The following NRG3 variants were observed in gnomAD, a reference collection of about 807,000 sequenced individuals.
NRG3 encodes the protein neuregulin 3.
NRG3 carries 31 observed loss-of-function variants against 66.9 expected under a neutral mutation model. That is an observed-to-expected ratio of 0.46 (90% CI 0.35 to 0.63). The LOEUF is 0.63. Ranked by LOEUF, NRG3 falls within the 20% of genes least tolerant of loss-of-function variation. NRG3 has a pLI of 0.00. For missense variants in NRG3, 910 were observed against 878.9 expected (o/e 1.04, Z -0.45); for synonymous variants, 393 against 359.4 (o/e 1.09, Z -1.06).
chr10:82,914,712 G>C (rs2132004256), intron 4 of NRG3, among the ~76,000 whole-genome samples: 1 of 151,560 alleles, frequency 6.6e-6, no homozygotes, highest in South Asian at 2.1e-4. Flanking sequence ...TAGTGGGCTT[G>C]AGCCCCAGAG....
At chr10:82,325,986 C>G (rs2081854214) in intron 1 of NRG3, among the ~76,000 whole-genome samples, 1 of 152,154 alleles carries the variant, frequency 6.6e-6, no homozygotes, top group Non-Finnish European at 1.5e-5. Context: ...TTCCCATGCT[C>G]TGTATTTCTT....
chr10:82,828,520 G>C (rs1220126352), intron 3 of NRG3, among the ~76,000 whole-genome samples: 1 of 152,158 alleles, frequency 6.6e-6, no homozygotes, highest in Non-Finnish European at 1.5e-5. Flanking sequence ...TCTGTCTTTA[G>C]AGGAAGTGCA....
intron 3 of NRG3, among the ~76,000 whole-genome samples, chr10:82,854,695 A>T (rs1376900978): frequency 1.3e-5 from 2 of 152,186 alleles, no homozygotes; most frequent in Non-Finnish European, 2.9e-5. Context: ...ATCATTTTTT[A>T]AAAATGTGAG....
intron 1 of NRG3, among the ~76,000 whole-genome samples, chr10:82,308,376 A>T (rs957998428): frequency 6.6e-6 from 1 of 152,152 alleles, no homozygotes; most frequent in South Asian, 2.1e-4. Flanking sequence ...GGCATGAGCC[A>T]CCATGCCCAG....
At chr10:82,967,959 C>T (rs989360019) in intron 6 of NRG3, among the ~76,000 whole-genome samples, 9 of 152,188 alleles carry the variant, frequency 5.9e-5, no homozygotes, top group African/African-American at 2.2e-4. Context: ...AACATTCCTA[C>T]CAATTTATGG....
intron 6 of NRG3, among the ~76,000 whole-genome samples, chr10:82,965,799 C>T (rs1202473445): frequency 6.6e-6 from 1 of 152,110 alleles, no homozygotes; most frequent in Non-Finnish European, 1.5e-5. Context: ...TGATCATGGT[C>T]AGTCAGGCTA....
intron 1 of NRG3, among the ~76,000 whole-genome samples, chr10:81,926,672 C>T (rs1846824321): frequency 6.6e-6 from 1 of 152,044 alleles, no homozygotes; most frequent in Non-Finnish European, 1.5e-5. Flanking sequence ...TACTTATTAA[C>T]CCTGCCTTCC....
chr10:82,828,336 C>T (rs1244069475), intron 3 of NRG3, among the ~76,000 whole-genome samples: 2 of 152,198 alleles, frequency 1.3e-5, no homozygotes, highest in Non-Finnish European at 2.9e-5. Flanking sequence ...CTTCTGCCCC[C>T]TGCCTAGTCA....
In NRG3 at chr10:82,140,998, C is replaced by T. The variant is rs947222210; in HGVS notation, c.824-217741C>T. ...ATGTATATATGCACATACATATATT[C>T]ATATATATGTTTATGTGTGTGTATA... On this transcript the variant is annotated intron_variant, in intron 1 of 8. Coordinates refer to ENST00000372141, the MANE Select transcript of NRG3 (RefSeq NM_001010848.4). Among the ~76,000 whole-genome samples, 6 of 151,986 alleles carry T rather than the reference C, an allele frequency of 3.9e-5. No homozygotes were observed. The East Asian group carries it at 5.8e-4, about 15-fold the overall frequency.
intron 3 of NRG3, among the ~76,000 whole-genome samples, chr10:82,749,603 T>C (rs2783412): frequency 0.69 from 105,007 of 152,000 alleles, 38,467 homozygotes; most frequent in East Asian, 0.84. Context: ...GGCCTGTCAC[T>C]TATATGTGAG....
chr10:82,607,297 G>A (rs763792730), intron 2 of NRG3, among the ~76,000 whole-genome samples: 1 of 151,714 alleles, frequency 6.6e-6, no homozygotes, highest in Non-Finnish European at 1.5e-5. Context: ...AGGAATATAT[G>A]TCTTCTCAGA....
intron 2 of NRG3, among the ~76,000 whole-genome samples, chr10:82,696,973 G>A (rs2055435235): frequency 6.6e-6 from 1 of 152,178 alleles, no homozygotes; most frequent in African/African-American, 2.4e-5. Flanking sequence ...AGGTACTTCT[G>A]TCAGAGCATC....
intron 2 of NRG3, among the ~76,000 whole-genome samples, chr10:82,649,022 G>A (rs896510309): frequency 1.6e-4 from 24 of 152,196 alleles, no homozygotes; most frequent in African/African-American, 2.9e-4. Flanking sequence ...ATATCATACC[G>A]AATGGGCAAA....
chr10:82,976,445 G>T (rs1350365541), intron 7 of NRG3, among the ~76,000 whole-genome samples: 1 of 152,122 alleles, frequency 6.6e-6, no homozygotes, highest in African/African-American at 2.4e-5. Flanking sequence ...TGAATTGCCA[G>T]CTGTGGCAGG....
rs7081993 is a variant in NRG3, at chr10:82,244,803, G to A, written c.824-113936G>A. Among the ~76,000 whole-genome samples, 651 of 152,058 alleles carry A rather than the reference G, an allele frequency of 4.3e-3. 7 individuals carry two copies. The highest frequency in any genetic ancestry group is 0.014 in the African/African-American group (578 of 41,488). ...GGCTGGTGTGCAGTGGCTTGATCTC[G>A]GCTCACTGCAACTGCCGCCTCCTGG... On this transcript the variant is annotated intron_variant, in intron 1 of 8. Transcript: ENST00000372141.
chr10:82,836,120 A>G (rs2062762197), intron 3 of NRG3, among the ~76,000 whole-genome samples: 1 of 152,190 alleles, frequency 6.6e-6, no homozygotes, highest in Admixed American at 6.6e-5. Flanking sequence ...GTCTGTAAAT[A>G]AAAAGTTGTA....
At position 82,986,369 on chromosome 10, in the gene NRG3, T is replaced by A. The variant is rs1283449164; in HGVS notation, c.*764T>A. On this transcript the variant is annotated 3_prime_UTR_variant, in exon 9 of 9. Coordinates refer to ENST00000372141, the MANE Select transcript of NRG3 (RefSeq NM_001010848.4). ...GCGTTTCTCAGTTTTTGTGTGCCTG[T>A]GTGCACATGTGTGTGCGAGCGTGTG... 1 of 152,254 alleles carries A rather than the reference T, an allele frequency of 6.6e-6. No individual in the cohort carries two copies. Among genetic ancestry groups the A allele is most frequent in the African/African-American group, 2.4e-5 (1 of 41,454 alleles). 9.4% of individuals were successfully genotyped at this position (152,254 alleles called of 1,614,324 possible).
chr10:82,343,483 A>G (rs1403331879), intron 1 of NRG3, among the ~76,000 whole-genome samples: 1 of 152,184 alleles, frequency 6.6e-6, no homozygotes, highest in East Asian at 1.9e-4. Context: ...AGCAATGTAC[A>G]TATTCAACAC....
chr10:82,002,409 C>T (rs954843055), intron 1 of NRG3, among the ~76,000 whole-genome samples: 1 of 152,134 alleles, frequency 6.6e-6, no homozygotes, highest in Admixed American at 6.5e-5. Context: ...ACTATCCACA[C>T]CTGTGGAGTC....
Sources: gnomAD v4.1 joint callset for allele counts (sites outside exome capture counted in the v4.1 genomes callset) on GRCh38, gnomAD v4.1.1 for gene constraint, MANE v1.5 for transcripts, NCBI Gene and HGNC (gene_info 2026-07-23, HGNC 2026-07-21) for gene names.